ZNF827: variants seen among roughly 807,000 people sequenced by gnomAD.
ZNF827 encodes the protein zinc finger protein 827.
ZNF827 carries 13 observed loss-of-function variants against 102.4 expected under a neutral mutation model. That is an observed-to-expected ratio of 0.13 (90% CI 0.08 to 0.20). The LOEUF is 0.20. ZNF827 is among the 10% of genes least tolerant of loss of function. The pLI, the probability that ZNF827 is intolerant of heterozygous loss-of-function variation, is 1.00. For missense variants in ZNF827, 1,103 were observed against 1,344.4 expected (o/e 0.82, Z 2.81); for synonymous variants, 523 against 536.2 (o/e 0.98, Z 0.34).
chr4:145,925,081 G>C (rs62326217), intron 1 of ZNF827, among the ~76,000 whole-genome samples: 3 of 152,158 alleles, frequency 2.0e-5, no homozygotes, highest in Non-Finnish European at 4.4e-5. Context: ...CAGCAGGCAA[G>C]AGAGTGTGTG....
intron 3 of ZNF827, 54 bp from the exon 4 acceptor site, chr4:145,886,212 C>T: frequency 6.5e-7 from 1 of 1,531,808 alleles, no homozygotes; most frequent in Non-Finnish European, 8.8e-7. Context: ...TGGAAAATGC[C>T]TTGCTGTAGA....
At chr4:145,913,076 A>T (rs1334227056) in intron 1 of ZNF827, among the ~76,000 whole-genome samples, 1 of 152,160 alleles carries the variant, frequency 6.6e-6, no homozygotes, top group Admixed American at 6.5e-5. Context: ...CTATGAGTGG[A>T]CTAATAAATT....
intron 8 of ZNF827, among the ~76,000 whole-genome samples, chr4:145,797,955 A>G (rs900169682): frequency 2.0e-5 from 3 of 152,194 alleles, no homozygotes; most frequent in Non-Finnish European, 2.9e-5. Context: ...GTTGATAAAA[A>G]TAATATGAAT....
chr4:145,844,812 TA>T (rs1745777691), intron 7 of ZNF827, among the ~76,000 whole-genome samples: 2 of 152,216 alleles, frequency 1.3e-5, no homozygotes, highest in African/African-American at 2.4e-5. Flanking sequence ...ATTAATGGAA[TA>T]TTTTTTTAAA....
At chr4:145,893,015 C>G (rs1429507311) in intron 2 of ZNF827, among the ~76,000 whole-genome samples, 1 of 152,204 alleles carries the variant, frequency 6.6e-6, no homozygotes, top group Non-Finnish European at 1.5e-5. Context: ...GCCAATTTAG[C>G]CATCAGGGGG....
intron 1 of ZNF827, among the ~76,000 whole-genome samples, chr4:145,920,104 C>T (rs894010770): frequency 2.0e-5 from 3 of 152,200 alleles, no homozygotes; most frequent in South Asian, 2.1e-4. Flanking sequence ...ACAGAGTTGA[C>T]GCTTAGTGAA....
At chr4:145,829,821 A>C (rs77602713) in intron 7 of ZNF827, among the ~76,000 whole-genome samples, 170 of 152,254 alleles carry the variant, frequency 1.1e-3, no homozygotes, top group African/African-American at 3.5e-3. Flanking sequence ...CCACTGCAAT[A>C]CTGGTTTTCC....
chr4:145,795,241 G>A (rs946936374), intron 8 of ZNF827, among the ~76,000 whole-genome samples: 12 of 152,238 alleles, frequency 7.9e-5, no homozygotes, highest in African/African-American at 2.2e-4. Flanking sequence ...TCTGCCCACC[G>A]GGTTCAAGTG....
At chr4:145,836,723 G>A (rs1201784725) in intron 7 of ZNF827, among the ~76,000 whole-genome samples, 1 of 151,916 alleles carries the variant, frequency 6.6e-6, no homozygotes. Context: ...GATCACGCTT[G>A]ATTTATTGAT....
intron 11 of ZNF827, among the ~76,000 whole-genome samples, chr4:145,766,116 C>T (rs950835515): frequency 6.6e-6 from 1 of 152,154 alleles, no homozygotes; most frequent in African/African-American, 2.4e-5. Flanking sequence ...CCCCATTTTA[C>T]GATGAGGGAA....
chr4:145,880,628 T>C (rs556140624), intron 4 of ZNF827, among the ~76,000 whole-genome samples: 201 of 152,314 alleles, frequency 1.3e-3, no homozygotes, highest in Non-Finnish European at 2.2e-3. Flanking sequence ...CCAAGTTCAA[T>C]AAAGTCGAGA....
In ZNF827 at chr4:145,761,493, C is replaced by T; in HGVS notation, c.*123G>A. 7.8e-7 allele frequency: 1 copy of T among 1,289,824 alleles called. No homozygotes were observed. Among genetic ancestry groups the T allele is most frequent in the South Asian group, 1.2e-5 (1 of 81,032 alleles). 79.9% of individuals were successfully genotyped at this position (1,289,824 alleles called of 1,614,324 possible). A position where few individuals can be genotyped will look rare whatever the true frequency, so the allele number is the denominator to read the frequency against. On this transcript the variant is annotated 3_prime_UTR_variant, in exon 15 of 15. Coordinates refer to ENST00000508784, the MANE Select transcript of ZNF827 (RefSeq NM_001306215.2). The surrounding 1 kb of genome is among the most constrained non-coding windows in gnomAD (Gnocchi z 6.8). ...GCGTCTCCAGCTCCAGCTGGTTGGC[C>T]TTCACCGTCTGGCAGATCCGGCACT...
chr4:145,779,754 A>G (rs1737684512), intron 8 of ZNF827, among the ~76,000 whole-genome samples: 1 of 152,226 alleles, frequency 6.6e-6, no homozygotes, highest in Non-Finnish European at 1.5e-5. Flanking sequence ...TTTCTTCACT[A>G]AAGACCAGCC....
At chr4:145,878,034 T>C (rs986443722) in intron 4 of ZNF827, among the ~76,000 whole-genome samples, 10 of 152,194 alleles carry the variant, frequency 6.6e-5, no homozygotes, top group Non-Finnish European at 1.5e-4. Context: ...AAAGTCAGGA[T>C]CCACTTGCCC....
intron 4 of ZNF827, chr4:145,876,734 G>A (rs1356207381): frequency 6.6e-6 from 1 of 152,098 alleles, no homozygotes; most frequent in Non-Finnish European, 1.5e-5. Flanking sequence ...ATTACAGATG[G>A]CTTTAGGGCA....
intron 1 of ZNF827, among the ~76,000 whole-genome samples, chr4:145,935,781 G>T (rs966373135): frequency 6.6e-6 from 1 of 152,066 alleles, no homozygotes; most frequent in African/African-American, 2.4e-5. Flanking sequence ...CCAAGCACAC[G>T]AGCTAAAATG....
At chr4:145,814,526 C>G (rs1742370367) in intron 8 of ZNF827, among the ~76,000 whole-genome samples, 1 of 152,080 alleles carries the variant, frequency 6.6e-6, no homozygotes, top group Admixed American at 6.6e-5. Flanking sequence ...CAGTTGGCCA[C>G]ATTGGTAACC....
chr4:145,925,455 T>A (rs1321027475), intron 1 of ZNF827, among the ~76,000 whole-genome samples: 1 of 152,224 alleles, frequency 6.6e-6, no homozygotes, highest in Non-Finnish European at 1.5e-5. Flanking sequence ...GTCTTGCACT[T>A]GTTATCATAT....
Position 145,858,573 on chromosome 4 carries a change from T to C in ZNF827, c.1982-9012A>G, listed in dbSNP as rs184421835. Among the ~76,000 whole-genome samples the C allele has an allele frequency of 6.6e-4, 100 of 151,656 alleles. No homozygotes were observed. The East Asian group carries it at 0.018, about 27-fold the overall frequency. ...GGGAGGATAGCTTGAGGCCAGGAGTTTGTGGCTGTAGTGAGTTGTAATTGT... is the reference window on the plus strand; with the variant it reads ...GGGAGGATAGCTTGAGGCCAGGAGTCTGTGGCTGTAGTGAGTTGTAATTGT... On this transcript the variant is annotated intron_variant, in intron 5 of 14. Coordinates refer to ENST00000508784, the MANE Select transcript of ZNF827 (RefSeq NM_001306215.2).
Sources: gnomAD v4.1 joint callset for allele counts (sites outside exome capture counted in the v4.1 genomes callset) on GRCh38, gnomAD v4.1.1 for gene constraint, Gnocchi (gnomAD v3.1) non-coding constraint, MANE v1.5 for transcripts, NCBI Gene and HGNC (gene_info 2026-07-23, HGNC 2026-07-21) for gene names.